The following SCAI variants were observed in gnomAD, a reference collection of about 807,000 sequenced individuals.
The protein encoded by SCAI is suppressor of cancer cell invasion, also known as protein SCAI.
In SCAI, 24 loss-of-function variants were observed where a neutral mutation model predicts 92.2. The observed-to-expected ratio is 0.26, with a 90% CI of 0.19 to 0.37. The LOEUF (loss-of-function observed/expected upper bound fraction) is 0.37. Among genes scored for constraint, SCAI ranks in the 10% least tolerant of loss-of-function variants. The pLI is 1.00. For missense variants in SCAI, 450 were observed against 736.2 expected (o/e 0.61, Z 4.50); for synonymous variants, 261 against 258.6 (o/e 1.01, Z -0.09).
chr9:125,038,786 T>C (rs394750), intron 3 of SCAI, among the ~76,000 whole-genome samples: 74,601 of 152,050 alleles, frequency 0.49, 18,754 homozygotes, highest in Admixed American at 0.57. Flanking sequence ...CACCCTGAGG[T>C]GCAGCATCTT....
In SCAI at chr9:125,046,649, A is replaced by G. The variant is rs1833449558; in HGVS notation, c.230+9227T>C. Among the ~76,000 whole-genome samples, 3 of 150,520 alleles carry G rather than the reference A, an allele frequency of 2.0e-5. No individual in the cohort carries two copies. The South Asian group carries it at 6.3e-4, about 32-fold the overall frequency. ...CATCAAAATCTCATAAATCACTACT[A>G]AAGAACTTATTCATGTAACCAAACA... On this transcript the variant is annotated intron_variant, in intron 3 of 17. Transcript: ENST00000336505.
chr9:125,127,423 G>C (rs1223738861), intron 2 of SCAI, among the ~76,000 whole-genome samples: 3 of 84,150 alleles, frequency 3.6e-5, no homozygotes, highest in African/African-American at 1.2e-4. Flanking sequence ...TTTTTTTTTT[G>C]AGACGGGTTC....
rs994697404 is a variant in SCAI, at chr9:124,948,462, G to A, written c.*4345C>T. 5 of 152,154 alleles carry A rather than the reference G, an allele frequency of 3.3e-5. No homozygotes were observed. The highest frequency in any genetic ancestry group is 1.2e-4 in the African/African-American group (5 of 41,422). The allele number at this position is 152,154 out of a possible 1,614,324, so 9.4% of individuals were successfully genotyped here. Reference sequence around the variant, plus strand: ...ATTTTTACAATAAAAATTTGATACTGTTTTGTGCCAAAATACAAATCCCTA... The same window carrying A: ...ATTTTTACAATAAAAATTTGATACTATTTTGTGCCAAAATACAAATCCCTA... On this transcript the variant is annotated 3_prime_UTR_variant, in exon 18 of 18. Transcript: ENST00000336505.
At chr9:125,014,488 C>T (rs1188316196) in intron 9 of SCAI, among the ~76,000 whole-genome samples, 1 of 152,054 alleles carries the variant, frequency 6.6e-6, no homozygotes, top group Non-Finnish European at 1.5e-5. Context: ...TGTGAAGGAC[C>T]TCTTCAAGGA....
chr9:125,133,008 T>C (rs1835435128), intron 2 of SCAI, among the ~76,000 whole-genome samples: 1 of 151,910 alleles, frequency 6.6e-6, no homozygotes, highest in African/African-American at 2.4e-5. Flanking sequence ...CAACCTATTA[T>C]TCAAGCTGCA....
At chr9:125,001,877 G>A in intron 12 of SCAI, 88 bp downstream of exon 12, 1 of 883,808 alleles carries the variant, frequency 1.1e-6, no homozygotes, top group Non-Finnish European at 1.8e-6. Context: ...GAAAGGCTGA[G>A]ATGGTCTGTG....
At chr9:125,085,507 AT>A (rs1206532485) in intron 2 of SCAI, among the ~76,000 whole-genome samples, 1 of 151,958 alleles carries the variant, frequency 6.6e-6, no homozygotes, top group Non-Finnish European at 1.5e-5. Context: ...AAAAAATCAA[AT>A]AACATATCAG....
chr9:125,004,862 C>A (rs1419901588), intron 9 of SCAI, among the ~76,000 whole-genome samples: 1 of 137,650 alleles, frequency 7.3e-6, no homozygotes, highest in Non-Finnish European at 1.5e-5. Context: ...GCTCTCGGCT[C>A]ACTGCAACCT....
At chr9:124,968,944 G>GA (rs544681413) in intron 17 of SCAI, 16,776 of 246,860 alleles carry the variant, frequency 0.068, 13 homozygotes, top group South Asian at 0.12. Context: ...TTATTTTTTG[G>GA]AAAAAAAAAA....
chr9:125,051,261 G>A (rs913258473), intron 3 of SCAI, among the ~76,000 whole-genome samples: 2 of 152,122 alleles, frequency 1.3e-5, no homozygotes, highest in African/African-American at 4.8e-5. Flanking sequence ...GACCTCAGGT[G>A]ATCTGCCTGC....
chr9:125,028,312 A>T (rs1371307062), intron 5 of SCAI, 80 bp downstream of exon 5: 9 of 757,058 alleles, frequency 1.2e-5, no homozygotes, highest in Non-Finnish European at 2.0e-5. Context: ...CCTAGCAATG[A>T]GTATACTATG....
chr9:124,952,849 A>G lies in SCAI; in HGVS notation c.1779T>C (p.Asp593=). 2 of 1,613,782 alleles carry G rather than the reference A, an allele frequency of 1.2e-6. No individual in the cohort carries two copies. The highest frequency in any genetic ancestry group is 1.7e-6 in the Non-Finnish European group (2 of 1,179,688). The change falls in exon 18 of 18, where the codon GAT becomes GAC. Residue 593 remains aspartate, a synonymous_variant. Coordinates refer to ENST00000336505, the MANE Select transcript of SCAI (RefSeq NM_001144877.3). ...KHILELASIL[D]VRNVFFENTI... Reference sequence around the variant, plus strand: ...TATTCTCAAAGAACACGTTTCGAACATCCAGAATGGATGCTAATTCCAAAA... The same window carrying G: ...TATTCTCAAAGAACACGTTTCGAACGTCCAGAATGGATGCTAATTCCAAAA...
At chr9:125,049,144 A>G (rs1246047125) in intron 3 of SCAI, among the ~76,000 whole-genome samples, 1 of 151,972 alleles carries the variant, frequency 6.6e-6, no homozygotes, top group Non-Finnish European at 1.5e-5. Context: ...ACATATACAC[A>G]CACACTCACA....
intron 6 of SCAI, among the ~76,000 whole-genome samples, chr9:125,022,141 C>A (rs1170952604): frequency 2.0e-5 from 3 of 151,946 alleles, no homozygotes; most frequent in Admixed American, 2.0e-4. Context: ...TATCATATAT[C>A]AAAAATTCCC....
chr9:125,106,807 C>T (rs1419913679), intron 2 of SCAI, among the ~76,000 whole-genome samples: 1 of 143,608 alleles, frequency 7.0e-6, no homozygotes, highest in Admixed American at 7.2e-5. Flanking sequence ...CTCCTGGGCT[C>T]AAGCAATACT....
At chr9:125,138,404 C>G (rs1436124437) in intron 2 of SCAI, among the ~76,000 whole-genome samples, 1 of 151,172 alleles carries the variant, frequency 6.6e-6, no homozygotes, top group Non-Finnish European at 1.5e-5. Flanking sequence ...TACAGACATG[C>G]GCTACCACGC....
intron 2 of SCAI, among the ~76,000 whole-genome samples, chr9:125,089,552 C>G (rs1834386931): frequency 6.6e-6 from 1 of 152,158 alleles, no homozygotes; most frequent in South Asian, 2.1e-4. Context: ...CAGAGCTTAA[C>G]AGAAAGGCAG....
At chr9:125,000,410 G>A (rs1305769981) in intron 12 of SCAI, among the ~76,000 whole-genome samples, 1 of 152,124 alleles carries the variant, frequency 6.6e-6, no homozygotes, top group African/African-American at 2.4e-5. Context: ...AGCACTTTGG[G>A]AGGCTGAAGC....
intron 9 of SCAI, among the ~76,000 whole-genome samples, chr9:125,008,685 C>T (rs58941560): frequency 0.025 from 3,729 of 152,150 alleles, 142 homozygotes; most frequent in African/African-American, 0.085. Flanking sequence ...ATGAAAAATA[C>T]AGAAAAGAAT....
Sources: gnomAD v4.1 joint callset for allele counts (sites outside exome capture counted in the v4.1 genomes callset) on GRCh38, gnomAD v4.1.1 for gene constraint, MANE v1.5 for transcripts, NCBI Gene and HGNC (gene_info 2026-07-23, HGNC 2026-07-21) for gene names.